The following KCNH5 variants were observed in gnomAD, a reference collection of about 807,000 sequenced individuals.
KCNH5 encodes voltage-gated delayed rectifier potassium channel KCNH5.
Under a neutral mutation model 96.1 loss-of-function variants are expected in KCNH5, and 46 were observed. The observed-to-expected ratio is 0.48, with a 90% CI of 0.38 to 0.61. The LOEUF (loss-of-function observed/expected upper bound fraction) is 0.61, where lower values mean the gene tolerates loss of function less well. Ranked by LOEUF, KCNH5 falls within the 20% of genes least tolerant of loss-of-function variation. The pLI, the probability that KCNH5 is intolerant of heterozygous loss-of-function variation, is 0.00. For missense variants in KCNH5, 907 were observed against 1,225.8 expected, an observed-to-expected ratio of 0.74 and a Z score of 3.88; for synonymous variants, 439 against 449.8, an observed-to-expected ratio of 0.98 and a Z score of 0.30.
chr14:62,892,306 T>C (rs1888726494), intron 7 of KCNH5, among the ~76,000 whole-genome samples: 1 of 152,210 alleles, frequency 6.6e-6, no homozygotes, highest in South Asian at 2.1e-4. Context: ...AGCCACAACA[T>C]TGACTTAAGC....
chr14:62,911,271 C>CTTTT (rs1038721404), intron 7 of KCNH5, among the ~76,000 whole-genome samples: 4 of 144,672 alleles, frequency 2.8e-5, no homozygotes, highest in East Asian at 2.0e-4. Context: ...ATCTTTCTTT[C>CTTTT]TTTTTTTTTT....
intron 6 of KCNH5, among the ~76,000 whole-genome samples, chr14:62,971,478 G>T (rs545182245): frequency 7.8e-4 from 118 of 152,160 alleles, no homozygotes; most frequent in African/African-American, 2.6e-3. Context: ...GAACCTAGCA[G>T]GTTATTTTGT....
At chr14:62,731,983 T>C (rs1250407799) in intron 10 of KCNH5, among the ~76,000 whole-genome samples, 1 of 152,194 alleles carries the variant, frequency 6.6e-6, no homozygotes, top group Non-Finnish European at 1.5e-5. Context: ...GTGTAGAAAC[T>C]CTAGCCATCA....
chr14:63,025,887 C>T lies in KCNH5; in HGVS notation c.74-8933G>A, dbSNP rs117208743. On this transcript the variant is annotated intron_variant, in intron 1 of 10. Transcript: ENST00000322893. The stretch of plus-strand genomic sequence containing the variant: ...AAATCCTAAAGTTCATCTGGAACCA[C>T]AAAAGACCCCAATAGCCAAAGTAAT... Among the ~76,000 whole-genome samples the T allele has an allele frequency of 9.4e-3, 1,430 of 151,554 alleles. 76 individuals are homozygous for T. In the East Asian group the frequency reaches 0.14, roughly 15 times the overall value.
At chr14:63,005,799 C>T (rs1340089755) in intron 3 of KCNH5, among the ~76,000 whole-genome samples, 1 of 152,136 alleles carries the variant, frequency 6.6e-6, no homozygotes, top group East Asian at 1.9e-4. Context: ...ATACAAATCT[C>T]ATCCCAGAGA....
intron 8 of KCNH5, among the ~76,000 whole-genome samples, chr14:62,844,931 G>C (rs917496328): frequency 2.0e-5 from 3 of 152,058 alleles, no homozygotes; most frequent in Non-Finnish European, 4.4e-5. Context: ...TGGGGCGAAG[G>C]TTTTTTCTCT....
intron 7 of KCNH5, among the ~76,000 whole-genome samples, chr14:62,904,421 G>T (rs151310896): frequency 2.2e-4 from 33 of 152,264 alleles, no homozygotes; most frequent in African/African-American, 7.5e-4. Flanking sequence ...TGTTACATTT[G>T]ATTTTTCCTA....
At chr14:62,961,984 G>C (rs528168508) in intron 6 of KCNH5, among the ~76,000 whole-genome samples, 1 of 151,510 alleles carries the variant, frequency 6.6e-6, no homozygotes, top group South Asian at 2.1e-4. Flanking sequence ...TGCAGATAGA[G>C]ATGCAGATGC....
intron 10 of KCNH5, among the ~76,000 whole-genome samples, chr14:62,743,965 T>G (rs999537267): frequency 6.6e-6 from 1 of 152,118 alleles, no homozygotes; most frequent in Non-Finnish European, 1.5e-5. Context: ...CATTCAAAGA[T>G]TTACCTCTAT....
rs375475444 is a variant in KCNH5 at position 63,043,970 on chromosome 14, CCA to C, written c.73+1142_73+1143del. Reference sequence around the variant, plus strand: ...ATTACTTTTTTTTAATCCCAAGAAACCACAGAGTATCTGTGGTATAAGGCACC... The same window carrying C: ...ATTACTTTTTTTTAATCCCAAGAAACCAGAGTATCTGTGGTATAAGGCACC... On this transcript the variant is annotated intron_variant, in intron 1 of 10. Coordinates refer to ENST00000322893, the MANE Select transcript of KCNH5 (RefSeq NM_139318.5). Among the ~76,000 whole-genome samples the C allele has an allele frequency of 4.5e-4, 68 of 152,168 alleles. 5 individuals carry two copies. The South Asian group carries it at 5.6e-3, about 13-fold the overall frequency.
intron 7 of KCNH5, among the ~76,000 whole-genome samples, chr14:62,945,943 TA>T (rs1889879127): frequency 6.6e-6 from 1 of 151,876 alleles, no homozygotes; most frequent in Non-Finnish European, 1.5e-5. Flanking sequence ...AAAGATGAGC[TA>T]GGGAATCTGG....
rs183984961 is a variant in KCNH5 at position 62,842,969 on chromosome 14, C to G, written c.1569+6684G>C. 4.3e-4 allele frequency among the ~76,000 whole-genome samples: 66 copies of G among 152,238 alleles called. 1 individual carries two copies. Among genetic ancestry groups the G allele is most frequent in the Admixed American group, 1.4e-3 (21 of 15,300 alleles). ...AATCATATAATCTTACTGTCAGGACCTGCAAGTTCATTTAGTACTATGTTC... is the reference window on the plus strand; with the variant it reads ...AATCATATAATCTTACTGTCAGGACGTGCAAGTTCATTTAGTACTATGTTC... On this transcript the variant is annotated intron_variant, in intron 8 of 10. Transcript: ENST00000322893.
intron 7 of KCNH5, among the ~76,000 whole-genome samples, chr14:62,922,149 G>C (rs963984236): frequency 4.6e-5 from 7 of 151,930 alleles, no homozygotes; most frequent in Non-Finnish European, 1.0e-4. Context: ...GTCTTCCTTT[G>C]TAATCCCTGA....
chr14:62,783,701 T>TTA (rs1178617236), intron 9 of KCNH5, among the ~76,000 whole-genome samples: 3 of 152,162 alleles, frequency 2.0e-5, no homozygotes, highest in Admixed American at 2.0e-4. Flanking sequence ...CTAGATTTTT[T>TTA]TAAAACCCTA....
At chr14:62,983,862 T>C (rs1485905720) in intron 5 of KCNH5, among the ~76,000 whole-genome samples, 1 of 152,146 alleles carries the variant, frequency 6.6e-6, no homozygotes, top group African/African-American at 2.4e-5. Flanking sequence ...TTACATTTCT[T>C]TAGACATTCA....
At chr14:62,898,889 T>C (rs1208177530) in intron 7 of KCNH5, among the ~76,000 whole-genome samples, 1 of 152,154 alleles carries the variant, frequency 6.6e-6, no homozygotes, top group African/African-American at 2.4e-5. Flanking sequence ...GGATGATAAT[T>C]AGAAATCCAT....
intron 10 of KCNH5, among the ~76,000 whole-genome samples, chr14:62,749,843 C>T (rs1187546371): frequency 6.6e-6 from 1 of 152,120 alleles, no homozygotes; most frequent in Non-Finnish European, 1.5e-5. Flanking sequence ...ACCTCCATGC[C>T]AAGGGAAGGC....
At chr14:62,805,800 G>T (rs1454539262) in intron 8 of KCNH5, among the ~76,000 whole-genome samples, 1 of 152,096 alleles carries the variant, frequency 6.6e-6, no homozygotes, top group Non-Finnish European at 1.5e-5. Context: ...AGAGTTGTTT[G>T]TCCCCTCTTT....
chr14:63,002,346 A>G (rs1040690092), intron 3 of KCNH5, among the ~76,000 whole-genome samples: 3 of 152,216 alleles, frequency 2.0e-5, no homozygotes, highest in African/African-American at 7.2e-5. Context: ...AATGCCTTCA[A>G]AGGTGTAATT....
Sources: gnomAD v4.1 joint callset for allele counts (sites outside exome capture counted in the v4.1 genomes callset) on GRCh38, gnomAD v4.1.1 for gene constraint, MANE v1.5 for transcripts, NCBI Gene and HGNC (gene_info 2026-07-23, HGNC 2026-07-21) for gene names.